Variants in SH3PXD2A observed in about 807,000 individuals in gnomAD.
SH3PXD2A encodes the protein SH3 and PX domains 2A.
In SH3PXD2A, 32 loss-of-function variants were observed where a neutral mutation model predicts 115.2. That is an observed-to-expected ratio of 0.28 (90% confidence interval 0.21 to 0.37). The LOEUF (loss-of-function observed/expected upper bound fraction) is 0.37. Among genes scored for constraint, SH3PXD2A ranks in the 10% least tolerant of loss-of-function variants. The pLI, the probability that SH3PXD2A is intolerant of heterozygous loss-of-function variation, is 1.00. For missense variants in SH3PXD2A, 1,328 were observed against 1,498.7 expected (o/e 0.89, Z 1.88); for synonymous variants, 610 against 629.1 (o/e 0.97, Z 0.45).
rs776145629 is a variant in SH3PXD2A at position 103,601,773 on chromosome 10, G to A, written c.*43C>T. On this transcript the variant is annotated 3_prime_UTR_variant, in exon 15 of 15. Transcript: ENST00000369774. ...TCGTCTCACCGCTCATCCAGTGGGC[G>A]GCCAGAGAGGCACACTGAGGCTGGA... 29 of 1,278,290 alleles carry A rather than the reference G, an allele frequency of 2.3e-5. No homozygotes were observed. Among genetic ancestry groups the A allele is most frequent in the Admixed American group, 2.8e-5 (1 of 35,882 alleles). 79.2% of individuals were successfully genotyped at this position (1,278,290 alleles called of 1,614,324 possible).
chr10:103,738,122 G>A (rs1486458541), intron 3 of SH3PXD2A, among the ~76,000 whole-genome samples: 1 of 152,160 alleles, frequency 6.6e-6, no homozygotes, highest in Non-Finnish European at 1.5e-5. Flanking sequence ...CCAGAGGGCC[G>A]GGCCATCTCC....
intron 5 of SH3PXD2A, among the ~76,000 whole-genome samples, chr10:103,694,987 AGAG>A (rs2037807507): frequency 6.6e-6 from 1 of 152,140 alleles, no homozygotes; most frequent in African/African-American, 2.4e-5. Context: ...GGAATTCCTG[AGAG>A]GAGGAGGAGA....
chr10:103,848,663 C>T (rs1842869639), intron 1 of SH3PXD2A, among the ~76,000 whole-genome samples: 1 of 152,080 alleles, frequency 6.6e-6, no homozygotes, highest in Non-Finnish European at 1.5e-5. Flanking sequence ...CTTGGAATGC[C>T]CTTCCCCAGT....
rs770625402 is a variant in SH3PXD2A at position 103,603,055 on chromosome 10, G to A, written c.2163C>T (p.Arg721=). ...CGCGGATGCCTGCGTCCGAAGCAGA[G>A]CGGGGCTTCAGGTCGCCACTGGTTT... The part of the protein sequence containing the change: ...LSKTSGDLKP[R]SASDAGIRGT... The change falls in exon 15 of 15, where the codon CGC becomes CGT. Residue 721 remains arginine, a synonymous_variant. Coordinates refer to ENST00000369774, the MANE Select transcript of SH3PXD2A (RefSeq NM_001394015.1). The A allele has an allele frequency of 6.2e-7, 1 of 1,613,870 alleles. No individual in the cohort carries two copies. The highest frequency in any genetic ancestry group is 1.7e-5 in the Admixed American group (1 of 60,034).
intron 1 of SH3PXD2A, among the ~76,000 whole-genome samples, chr10:103,811,858 A>T (rs1042235072): frequency 6.6e-6 from 1 of 152,218 alleles, no homozygotes; most frequent in South Asian, 2.1e-4. Context: ...TAAAATAAAC[A>T]CATAAAATAG....
intron 2 of SH3PXD2A, among the ~76,000 whole-genome samples, chr10:103,769,686 G>A (rs775775813): frequency 6.6e-6 from 1 of 151,884 alleles, no homozygotes; most frequent in African/African-American, 2.4e-5. Flanking sequence ...CCTGCCTCAG[G>A]CTCCCAAAGT....
intron 6 of SH3PXD2A, among the ~76,000 whole-genome samples, chr10:103,672,148 G>A (rs1013837197): frequency 2.6e-5 from 4 of 152,226 alleles, no homozygotes; most frequent in Non-Finnish European, 5.9e-5. Context: ...AGCCGGGCAT[G>A]ATGGTGAGCA....
chr10:103,668,820 T>C (rs1010371548), intron 6 of SH3PXD2A, among the ~76,000 whole-genome samples, 168 bp from the exon 7 acceptor site: 1 of 152,242 alleles, frequency 6.6e-6, no homozygotes. Flanking sequence ...GGGCTGGCTG[T>C]TGGGCGTGGG....
intron 4 of SH3PXD2A, among the ~76,000 whole-genome samples, chr10:103,727,682 C>T (rs1017544855): frequency 6.6e-6 from 1 of 152,190 alleles, no homozygotes; most frequent in African/African-American, 2.4e-5. Context: ...CTCTTCATGC[C>T]GACAGAGACC....
intron 5 of SH3PXD2A, among the ~76,000 whole-genome samples, chr10:103,704,347 G>A (rs2037956707): frequency 6.6e-6 from 1 of 152,100 alleles, no homozygotes; most frequent in Non-Finnish European, 1.5e-5. Flanking sequence ...CAAGGCTTGG[G>A]GTGTCTGTAC....
At chr10:103,752,662 T>C (rs1432920115) in intron 3 of SH3PXD2A, among the ~76,000 whole-genome samples, 1 of 152,204 alleles carries the variant, frequency 6.6e-6, no homozygotes, top group Admixed American at 6.5e-5. Flanking sequence ...AAGGTTCTAT[T>C]TGGTGCCTCA....
intron 4 of SH3PXD2A, among the ~76,000 whole-genome samples, chr10:103,725,377 C>T (rs539738068): frequency 1.3e-5 from 2 of 152,126 alleles, no homozygotes; most frequent in South Asian, 2.1e-4. Flanking sequence ...GGCAGGAGCA[C>T]GGCTTGTGGA....
At chr10:103,778,156 C>A (rs907339661) in intron 2 of SH3PXD2A, among the ~76,000 whole-genome samples, 6 of 151,902 alleles carry the variant, frequency 3.9e-5, no homozygotes, top group Non-Finnish European at 8.8e-5. Flanking sequence ...GGTGAAACCC[C>A]GTCTCTACTA....
intron 3 of SH3PXD2A, among the ~76,000 whole-genome samples, chr10:103,748,593 C>T (rs1255348753): frequency 1.3e-5 from 2 of 152,256 alleles, no homozygotes; most frequent in Non-Finnish European, 2.9e-5. Context: ...CATAGGCACA[C>T]GCAGGAGGGA....
Position 103,603,574 on chromosome 10 carries a change from C to A in SH3PXD2A, c.1644G>T (p.Pro548=). The change falls in exon 15 of 15, where the codon CCG becomes CCT. Residue 548 remains proline, a synonymous_variant. Transcript: ENST00000369774. ...PTGASESQDS[P]RKLKYEEPEY... Reference sequence around the variant, plus strand: ...CAGGCTCCTCATACTTGAGCTTCCGCGGGGAGTCCTGGCTCTCACTGGCCC... The same window carrying A: ...CAGGCTCCTCATACTTGAGCTTCCGAGGGGAGTCCTGGCTCTCACTGGCCC... 1 of 1,610,872 alleles carries A rather than the reference C, an allele frequency of 6.2e-7. No homozygotes were observed. Among genetic ancestry groups the A allele is most frequent in the South Asian group, 1.1e-5 (1 of 90,450 alleles).
rs1162706810 is a variant in SH3PXD2A at position 103,599,176 on chromosome 10, A to T, written c.*2640T>A. The T allele has an allele frequency of 6.6e-6, 1 of 150,528 alleles. No homozygotes were observed. The highest frequency in any genetic ancestry group is 2.0e-4 in the East Asian group (1 of 5,032). The allele number at this position is 150,528 out of a possible 1,614,324, so 9.3% of individuals were successfully genotyped here. A position where few individuals can be genotyped will look rare whatever the true frequency, so the allele number is the denominator to read the frequency against. On this transcript the variant is annotated 3_prime_UTR_variant, in exon 15 of 15. Transcript: ENST00000369774. ...CTGTCCTTGGGCCGCAGTAACAGGA[A>T]GGGATGGGATAGAGACCTCTGAGGT...
intron 3 of SH3PXD2A, among the ~76,000 whole-genome samples, chr10:103,757,420 C>T (rs1346223864): frequency 2.0e-5 from 3 of 152,138 alleles, no homozygotes; most frequent in Non-Finnish European, 2.9e-5. Flanking sequence ...ACAGGCTTTT[C>T]GGCCCAGATC....
intron 2 of SH3PXD2A, among the ~76,000 whole-genome samples, chr10:103,796,485 C>T (rs551809285): frequency 7.3e-4 from 111 of 151,626 alleles, no homozygotes; most frequent in Non-Finnish European, 1.2e-3. Context: ...TAGCATGTTG[C>T]TTGTACCTCA....
At chr10:103,638,963 A>AT (rs1368830233) in intron 8 of SH3PXD2A, among the ~76,000 whole-genome samples, 1 of 152,142 alleles carries the variant, frequency 6.6e-6, no homozygotes, top group Non-Finnish European at 1.5e-5. Flanking sequence ...TGTGGGTCTG[A>AT]TTCTGTGCCT....
Sources: allele counts gnomAD v4.1 joint callset (sites outside exome capture counted in the v4.1 genomes callset), GRCh38; gene constraint gnomAD v4.1.1; transcripts MANE v1.5; gene names NCBI Gene and HGNC (gene_info 2026-07-23, HGNC 2026-07-21).